SYN1: variants seen among roughly 807,000 people sequenced by gnomAD.
The protein encoded by SYN1 is synapsin I.
A neutral mutation model predicts 44.6 loss-of-function variants in SYN1; 8 were observed. That is an observed-to-expected ratio of 0.18 (90% confidence interval 0.11 to 0.32). The LOEUF (loss-of-function observed/expected upper bound fraction) is 0.32. SYN1 is among the 10% of genes least tolerant of loss of function. The pLI, the probability that SYN1 is intolerant of heterozygous loss-of-function variation, is 1.00. For synonymous variants in SYN1, 275 were observed against 280.1 expected, an observed-to-expected ratio of 0.98 and a Z score of 0.18; for missense variants, 451 against 639.4, an observed-to-expected ratio of 0.71 and a Z score of 3.18.
In SYN1 at chrX:47,575,222, T is replaced by C; in HGVS notation, c.1211A>G (p.Gln404Arg). Residue 404 changes from glutamine to arginine, a missense_variant, in exon 10 of 13, where the codon CAG (glutamine) becomes CGG (arginine). This residue lies in a region of SYN1 where 315 missense variants were observed against 451.4 expected (regional missense o/e 0.70). Coordinates refer to ENST00000295987, the MANE Select transcript of SYN1 (RefSeq NM_006950.3). The part of the protein sequence containing the change: ...LIGDHQDEDK[Q>R]LIVELVVNKM... ...GTTGACCACGAGCTCTACGATGAGC[T>C]GTTTGTCTTCATCCTGGTGGTCACC... is the stretch of plus-strand genomic sequence containing the variant. The C allele has an allele frequency of 8.3e-7, 1 of 1,207,870 alleles. No individual in the cohort carries two copies.
chrX:47,613,327 G>A (rs1439304747), intron 1 of SYN1, among the ~76,000 whole-genome samples: 1 of 110,103 alleles, frequency 9.1e-6, no homozygotes. Context: ...ATGAATAAGT[G>A]GCAATAGCAG....
At chrX:47,586,538 C>G (rs1484839128) in intron 5 of SYN1, 2 of 1,210,129 alleles carry the variant, frequency 1.7e-6, no homozygotes, top group Non-Finnish European at 2.2e-6. Flanking sequence ...CCTGTTTATC[C>G]ATCCCCTGCA....
At chrX:47,584,501 G>T (rs1381465485) in intron 5 of SYN1, among the ~76,000 whole-genome samples, 1 of 111,949 alleles carries the variant, frequency 8.9e-6, no homozygotes, top group Non-Finnish European at 1.9e-5. Context: ...ATCTTTGTCA[G>T]CCCCTTACCC....
intron 5 of SYN1, among the ~76,000 whole-genome samples, chrX:47,592,557 G>T (rs1375245409): frequency 2.7e-5 from 3 of 110,106 alleles, no homozygotes; most frequent in Non-Finnish European, 5.7e-5. Context: ...ATATTTTTGG[G>T]AACCACATTA....
Position 47,587,696 on chromosome X carries a change from C to G in SYN1, c.775-10195G>C, listed in dbSNP as rs898948733. 1.5e-4 allele frequency among the ~76,000 whole-genome samples: 17 copies of G among 110,731 alleles called. 1 individual carries two copies. The Admixed American group carries it at 1.5e-3, about 10-fold the overall frequency. ...ATGAATCATCCTTTCTCTAGAAAAACTGAGTGAGAGAACCTCCAAATACTC... is the reference window on the plus strand; with the variant it reads ...ATGAATCATCCTTTCTCTAGAAAAAGTGAGTGAGAGAACCTCCAAATACTC... On this transcript the variant is annotated intron_variant, in intron 5 of 12. Coordinates refer to ENST00000295987, the MANE Select transcript of SYN1 (RefSeq NM_006950.3).
chrX:47,586,745 C>A (rs1603060570), intron 5 of SYN1: 1 of 1,156,889 alleles, frequency 8.6e-7, no homozygotes, highest in East Asian at 3.0e-5. Context: ...TGTTCCCACT[C>A]CCATCTTTCT....
rs2057927708 is a variant in SYN1 at position 47,615,137 on chromosome X, ATATG to A, written c.377+4211_377+4214del. On this transcript the variant is annotated intron_variant, in intron 1 of 12. Coordinates refer to ENST00000295987, the MANE Select transcript of SYN1 (RefSeq NM_006950.3). ...GTATTTGCATAATAACTCATCCTAT[ATATG>A]TATTATATAAGACACATATGTTGTA... Among the ~76,000 whole-genome samples, 7 of 112,052 alleles carry A rather than the reference ATATG, an allele frequency of 6.2e-5. No individual in the cohort carries two copies. In the South Asian group the frequency reaches 2.6e-3, roughly 42 times the overall value.
intron 5 of SYN1, among the ~76,000 whole-genome samples, chrX:47,594,130 A>G (rs1385120518): frequency 9.1e-6 from 1 of 109,677 alleles, no homozygotes; most frequent in African/African-American, 3.3e-5. Flanking sequence ...GCTACTCAGG[A>G]GGCTGAGGTG....
At chrX:47,594,790 T>C (rs1465819889) in intron 5 of SYN1, among the ~76,000 whole-genome samples, 1 of 108,003 alleles carries the variant, frequency 9.3e-6, no homozygotes, top group Non-Finnish European at 1.9e-5. Context: ...TGCAATGGTG[T>C]GATCTCAGCT....
At chrX:47,598,764 T>G (rs944502299) in intron 5 of SYN1, among the ~76,000 whole-genome samples, 1 of 110,169 alleles carries the variant, frequency 9.1e-6, no homozygotes, top group African/African-American at 3.3e-5. Flanking sequence ...GAGGTGGAGG[T>G]TGCAGTGAGC....
intron 5 of SYN1, among the ~76,000 whole-genome samples, chrX:47,580,260 C>T (rs1008437608): frequency 2.8e-5 from 3 of 105,392 alleles, no homozygotes; most frequent in Non-Finnish European, 5.9e-5. Flanking sequence ...TGAGCTCAAG[C>T]GATCTGCCTG....
At position 47,574,746 on chromosome X, in the gene SYN1, GC is replaced by G; in HGVS notation, c.1334del (p.Gly445AlafsTer222). 8.4e-7 allele frequency: 1 copy of G among 1,189,697 alleles called. No homozygotes were observed. Among genetic ancestry groups the G allele is most frequent in the South Asian group, 1.8e-5 (1 of 54,115 alleles). ...QTPSPGALPL[G>X]RQTSQQPAGP... is the part of the protein sequence containing the mutation. ...CTGCGGGCTGCTGGGAGGTCTGGCG[GC>G]CCAAGGGCAGGGCCCCTGGGGACGG... is the stretch of plus-strand genomic sequence containing the variant. On this transcript the variant is annotated frameshift_variant, in exon 11 of 13. Coordinates refer to ENST00000295987, the MANE Select transcript of SYN1 (RefSeq NM_006950.3). LOFTEE classifies it high-confidence loss of function.
At chrX:47,610,030 T>C (rs1401753042) in intron 1 of SYN1, among the ~76,000 whole-genome samples, 1 of 111,441 alleles carries the variant, frequency 9.0e-6, no homozygotes, top group Admixed American at 9.5e-5. Context: ...CTAAACGCCA[T>C]TGAGTAGCTG....
At chrX:47,584,913 CAT>C (rs1395952233) in intron 5 of SYN1, 2 of 1,189,796 alleles carry the variant, frequency 1.7e-6, no homozygotes, top group East Asian at 3.0e-5. Context: ...CCATTTGACT[CAT>C]ATTTCCCTCC....
In SYN1 at chrX:47,603,371, A is replaced by AT. The variant is rs773328544; in HGVS notation, c.774+1606dup. On this transcript the variant is annotated intron_variant, in intron 5 of 12. Coordinates refer to ENST00000295987, the MANE Select transcript of SYN1 (RefSeq NM_006950.3). Reference sequence around the variant, plus strand: ...GCCACCATGCCGGGCTGATTTTTAAATTTTTTGTAGAAATGGGGTCTCGCT... The same window carrying AT: ...GCCACCATGCCGGGCTGATTTTTAAATTTTTTTGTAGAAATGGGGTCTCGCT... Among the ~76,000 whole-genome samples, 68 of 110,595 alleles carry AT rather than the reference A, an allele frequency of 6.1e-4. No homozygotes were observed. The East Asian group carries it at 0.016, about 26-fold the overall frequency.
chrX:47,580,581 A>G lies in SYN1; in HGVS notation c.775-3080T>C, dbSNP rs13440654. 5.7e-3 allele frequency among the ~76,000 whole-genome samples: 618 copies of G among 107,645 alleles called. 7 individuals carry two copies. Among genetic ancestry groups the G allele is most frequent in the African/African-American group, 0.02 (575 of 29,439 alleles). The allele number at this position is 107,645 out of a possible 115,157, so 93.5% of individuals were successfully genotyped here. On this transcript the variant is annotated intron_variant, in intron 5 of 12. Coordinates refer to ENST00000295987, the MANE Select transcript of SYN1 (RefSeq NM_006950.3). ...AGGAGGTGGAGGTTGCAGTGAGCCA[A>G]GATCTTGCCATTGCACTCCAGCCTG...
intron 5 of SYN1, among the ~76,000 whole-genome samples, chrX:47,604,000 C>T (rs868065907): frequency 4.4e-4 from 47 of 106,279 alleles, no homozygotes; most frequent in Admixed American, 6.1e-4. Flanking sequence ...CTCCGCCTCC[C>T]GGGTTCCAGC....
intron 5 of SYN1, among the ~76,000 whole-genome samples, chrX:47,599,189 T>C (rs896189414): frequency 9.0e-6 from 1 of 111,195 alleles, no homozygotes; most frequent in Admixed American, 9.5e-5. Flanking sequence ...AATAGCAAAA[T>C]TGCAAACATA....
At chrX:47,607,339 A>T in intron 1 of SYN1, 141 bp from the exon 2 acceptor site, 1 of 523,043 alleles carries the variant, frequency 1.9e-6, no homozygotes, top group Non-Finnish European at 3.1e-6. Context: ...TTTTGAAAAA[A>T]TCAAGAGTGC....
Sources: gnomAD v4.1 joint callset for allele counts (sites outside exome capture counted in the v4.1 genomes callset) on GRCh38, gnomAD v4.1.1 for gene constraint, gnomAD v4.1.1 regional missense constraint, MANE v1.5 for transcripts, NCBI Gene and HGNC (gene_info 2026-07-23, HGNC 2026-07-21) for gene names.